Variants in FOSL2 observed in about 807,000 individuals in gnomAD.
The protein encoded by FOSL2 is FOS like 2, AP-1 transcription factor subunit.
FOSL2 carries 3 observed loss-of-function variants against 27.7 expected under a neutral mutation model. That is an observed-to-expected ratio of 0.11 (90% CI 0.05 to 0.28). The LOEUF is 0.28. Ranked by LOEUF, FOSL2 falls within the 10% of genes least tolerant of loss-of-function variation. The pLI is 1.00. For synonymous variants in FOSL2, 179 were observed against 190.1 expected (o/e 0.94, Z 0.48); for missense variants, 333 against 445.1 (o/e 0.75, Z 2.27).
At chr2:28,411,447 A>T (rs1572496366) in intron 3 of FOSL2, among the ~76,000 whole-genome samples, 1 of 152,162 alleles carries the variant, frequency 6.6e-6, no homozygotes, top group East Asian at 1.9e-4. Context: ...AGGGGTACCG[A>T]GGGGGCAGTC....
chr2:28,396,942 C>G (rs1157900647), intron 1 of FOSL2: 1 of 152,132 alleles, frequency 6.6e-6, no homozygotes, highest in African/African-American at 2.4e-5. Context: ...TAGCCTCAAT[C>G]ATACCTCTCT....
At position 28,413,553 on chromosome 2, in the gene FOSL2, T is replaced by C. The variant is rs1157293827; in HGVS notation, c.*1105T>C. 2 of 398,614 alleles carry C rather than the reference T, an allele frequency of 5.0e-6. No individual in the cohort carries two copies. The highest frequency in any genetic ancestry group is 4.1e-5 in the African/African-American group (2 of 48,622). 24.7% of individuals were successfully genotyped at this position (398,614 alleles called of 1,614,324 possible). On this transcript the variant is annotated 3_prime_UTR_variant, in exon 4 of 4. Transcript: ENST00000264716. ...CCCTCCCCAAGCCTCAAAGAAGCAT[T>C]TGCTGAGGATGGAGAGGCAGGGGAG...
At position 28,404,141 on chromosome 2, in the gene FOSL2, C is replaced by T; in HGVS notation, c.137C>T (p.Ala46Val). ...FRVDMPGSGS[A>V]FIPTINAITT... ...GTAGATATGCCTGGCTCAGGCAGTG[C>T]ATTCATCCCCACCATCAACGCCATC... Residue 46 changes from alanine (A) to valine (V), a missense_variant, in exon 2 of 4, where the codon GCA (alanine) becomes GTA (valine). This residue lies in a region of FOSL2 where 131 missense variants were observed against 157.9 expected (regional missense o/e 0.83). Coordinates refer to ENST00000264716, the MANE Select transcript of FOSL2 (RefSeq NM_005253.4). The surrounding 1 kb of genome is among the most constrained non-coding windows in gnomAD (Gnocchi z 4.7). The T allele has an allele frequency of 6.2e-7, 1 of 1,614,190 alleles. No individual in the cohort carries two copies. The highest frequency in any genetic ancestry group is 1.1e-5 in the South Asian group (1 of 91,090).
At position 28,408,309 on chromosome 2, in the gene FOSL2, G is replaced by C. The variant is rs936720930; in HGVS notation, c.355-450G>C. The stretch of plus-strand genomic sequence containing the variant: ...GGGGATAATGAGGCTTGCAGAGCAG[G>C]CAGAGTGATGGGAGGAGAAATTAGC... On this transcript the variant is annotated intron_variant, in intron 2 of 3. Transcript: ENST00000264716. This position sits in a 1 kb window ranked among gnomAD's most constrained non-coding sequence, Gnocchi z 4.1. 2.0e-5 allele frequency among the ~76,000 whole-genome samples: 3 copies of C among 152,222 alleles called. No individual in the cohort carries two copies. The highest frequency in any genetic ancestry group is 7.2e-5 in the African/African-American group (3 of 41,462).
chr2:28,411,826 C>T, intron 3 of FOSL2, 104 bp from the exon 4 acceptor site: 2 of 1,248,584 alleles, frequency 1.6e-6, no homozygotes, highest in Non-Finnish European at 1.2e-6. Context: ...GGTGTGTGAG[C>T]CTCTGCTCTC....
chr2:28,396,811 C>CACACACACACACACACACACACACAA (rs1558564630), intron 1 of FOSL2: 69 of 151,030 alleles, frequency 4.6e-4, no homozygotes, highest in African/African-American at 1.5e-3. Context: ...CACACACACA[C>CACACACACACACACACACACACACAA]ACACACACAC....
In FOSL2 at chr2:28,393,889, C is replaced by G. The variant is rs1164727082; in HGVS notation, c.102+67C>G. The stretch of plus-strand genomic sequence containing the variant: ...CCTGCCCTCTTCTCGCCGCCACTGC[C>G]TCTTTTGCTTTCTTTTCTTTTTCTT... On this transcript the variant is annotated intron_variant, in intron 1 of 3. Transcript: ENST00000264716. The surrounding 1 kb of genome is among the most constrained non-coding windows in gnomAD (Gnocchi z 4.6). 1 of 1,055,562 alleles carries G rather than the reference C, an allele frequency of 9.5e-7. No homozygotes were observed. Among genetic ancestry groups the G allele is most frequent in the Non-Finnish European group, 1.4e-6 (1 of 724,290 alleles). 65.4% of individuals were successfully genotyped at this position (1,055,562 alleles called of 1,614,324 possible).
rs576435557 is a variant in FOSL2, at chr2:28,404,104, C to T, written c.103-3C>T. The T allele has an allele frequency of 6.8e-6, 11 of 1,612,174 alleles. No individual in the cohort carries two copies. In the African/African-American group the frequency reaches 1.3e-4, roughly 20 times the overall value. ...TCATTTGTATTTTTTTTCCTCATTT[C>T]AGAAATTCCGGGTAGATATGCCTGG... On this transcript the variant is annotated splice_polypyrimidine_tract_variant and splice_region_variant and intron_variant, in intron 1 of 3. Transcript: ENST00000264716. This position sits in a 1 kb window ranked among gnomAD's most constrained non-coding sequence, Gnocchi z 4.7.
intron 1 of FOSL2, among the ~76,000 whole-genome samples, chr2:28,403,541 A>C (rs1368613120): frequency 6.6e-6 from 1 of 152,192 alleles, no homozygotes; most frequent in Non-Finnish European, 1.5e-5. Flanking sequence ...ACATCTTTTC[A>C]CGGACCTGGC....
rs10525036 is a variant in FOSL2, at chr2:28,406,044, C to CTT, written c.354+1708_354+1709dup. Among the ~76,000 whole-genome samples the CTT allele has an allele frequency of 2.1e-3, 82 of 39,668 alleles. 3 individuals carry two copies. The highest frequency in any genetic ancestry group is 3.9e-3 in the African/African-American group (19 of 4,868). The allele number at this position is 39,668 out of a possible 152,430, so 26.0% of individuals were successfully genotyped here. A position where few individuals can be genotyped will look rare whatever the true frequency, so the allele number is the denominator to read the frequency against. Reference sequence around the variant, plus strand: ...GGATGTGCTGAATGCTCTCCATTCCCTTTTTTTTTTTTTTTTTTTTTTTCT... The same window carrying CTT: ...GGATGTGCTGAATGCTCTCCATTCCCTTTTTTTTTTTTTTTTTTTTTTTTTCT... On this transcript the variant is annotated intron_variant, in intron 2 of 3. Transcript: ENST00000264716.
At chr2:28,411,398 C>T (rs1308775095) in intron 3 of FOSL2, among the ~76,000 whole-genome samples, 2 of 152,060 alleles carry the variant, frequency 1.3e-5, no homozygotes, top group Admixed American at 1.3e-4. Context: ...GTGTTCCGTA[C>T]CCCCTTCTCC....
chr2:28,408,644 C>T lies in FOSL2; in HGVS notation c.355-115C>T. 1.4e-6 allele frequency: 1 copy of T among 700,552 alleles called. No individual in the cohort carries two copies. Among genetic ancestry groups the T allele is most frequent in the Non-Finnish European group, 2.3e-6 (1 of 437,928 alleles). 43.4% of individuals were successfully genotyped at this position (700,552 alleles called of 1,614,324 possible). A position where few individuals can be genotyped will look rare whatever the true frequency, so the allele number is the denominator to read the frequency against. On this transcript the variant is annotated intron_variant, in intron 2 of 3. Coordinates refer to ENST00000264716, the MANE Select transcript of FOSL2 (RefSeq NM_005253.4). This position sits in a 1 kb window ranked among gnomAD's most constrained non-coding sequence, Gnocchi z 4.1. ...TCCAGCCATGCTCCTCTTGCCCTTC[C>T]TTCTCCTTTCTCCATTTCCAGAAGG...
chr2:28,398,122 C>T (rs928757242), intron 1 of FOSL2, among the ~76,000 whole-genome samples: 9 of 152,130 alleles, frequency 5.9e-5, no homozygotes, highest in Admixed American at 2.6e-4. Context: ...ATTAAGGAGA[C>T]GAACGTTCCG....
chr2:28,393,828 TGCGGGCCCCGGTGCACCTGGCGGC>T lies in FOSL2; in HGVS notation c.102+13_102+36del. On this transcript the variant is annotated splice_region_variant and intron_variant, in intron 1 of 3. Coordinates refer to ENST00000264716, the MANE Select transcript of FOSL2 (RefSeq NM_005253.4). This position sits in a 1 kb window ranked among gnomAD's most constrained non-coding sequence, Gnocchi z 4.6. ...GCGGCGGCGGCGGCCAGCAGGTAGG[TGCGGGCCCCGGTGCACCTGGCGGC>T]GCGGGCGGACCCCTGCCCTCTTCTC... 6.3e-7 allele frequency: 1 copy of T among 1,585,208 alleles called. No individual in the cohort carries two copies.
chr2:28,408,929 C>A lies in FOSL2; in HGVS notation c.462+63C>A. The A allele has an allele frequency of 5.4e-6, 6 of 1,119,796 alleles. No individual in the cohort carries two copies. Among genetic ancestry groups the A allele is most frequent in the Non-Finnish European group, 7.7e-6 (6 of 782,778 alleles). 69.4% of individuals were successfully genotyped at this position (1,119,796 alleles called of 1,614,324 possible). ...GGGCTGGAGTGAGAGCCCCGGGGGT[C>A]CTGATCCTCTCTCCCACAGCTGTCT... On this transcript the variant is annotated intron_variant, in intron 3 of 3. Coordinates refer to ENST00000264716, the MANE Select transcript of FOSL2 (RefSeq NM_005253.4). This position sits in a 1 kb window ranked among gnomAD's most constrained non-coding sequence, Gnocchi z 4.1.
intron 1 of FOSL2, among the ~76,000 whole-genome samples, chr2:28,403,007 C>T (rs966965990): frequency 6.6e-6 from 1 of 152,188 alleles, no homozygotes; most frequent in African/African-American, 2.4e-5. Flanking sequence ...CTATTGTCTT[C>T]ATCTCACCCA....
Position 28,415,012 on chromosome 2 carries a change from A to G in FOSL2, c.*2564A>G, listed in dbSNP as rs1005956243. On this transcript the variant is annotated 3_prime_UTR_variant, in exon 4 of 4. Transcript: ENST00000264716. ...TTACTTCCTTATGGCTTGCCCTCCA[A>G]GTTCTCTCTCTCATACACACACACA... 4.6e-5 allele frequency: 7 copies of G among 152,180 alleles called. No homozygotes were observed. The highest frequency in any genetic ancestry group is 8.8e-5 in the Non-Finnish European group (6 of 68,064). 9.4% of individuals were successfully genotyped at this position (152,180 alleles called of 1,614,324 possible). A position where few individuals can be genotyped will look rare whatever the true frequency, so the allele number is the denominator to read the frequency against.
chr2:28,404,066 A>C lies in FOSL2; in HGVS notation c.103-41A>C. 6.2e-7 allele frequency: 1 copy of C among 1,609,488 alleles called. No individual in the cohort carries two copies. Among genetic ancestry groups the C allele is most frequent in the African/African-American group, 1.3e-5 (1 of 74,962 alleles). On this transcript the variant is annotated intron_variant, in intron 1 of 3. Coordinates refer to ENST00000264716, the MANE Select transcript of FOSL2 (RefSeq NM_005253.4). This position sits in a 1 kb window ranked among gnomAD's most constrained non-coding sequence, Gnocchi z 4.7. ...TATTATTAACTATCCTGTTCAGCTT[A>C]GTATTTATTGGCTCATTTGTATTTT...
At position 28,400,393 on chromosome 2, in the gene FOSL2, C is replaced by G. The variant is rs149656518; in HGVS notation, c.103-3714C>G. On this transcript the variant is annotated intron_variant, in intron 1 of 3. Coordinates refer to ENST00000264716, the MANE Select transcript of FOSL2 (RefSeq NM_005253.4). ...AACTTCTGGGACCACAAACTCCTAACTTCACCTCTTCTCTCCTACCCCAGT... is the reference window on the plus strand; with the variant it reads ...AACTTCTGGGACCACAAACTCCTAAGTTCACCTCTTCTCTCCTACCCCAGT... 1.9e-3 allele frequency among the ~76,000 whole-genome samples: 297 copies of G among 152,328 alleles called. 1 individual carries two copies. Among genetic ancestry groups the G allele is most frequent in the African/African-American group, 6.7e-3 (280 of 41,570 alleles).
Sources: allele counts gnomAD v4.1 joint callset (sites outside exome capture counted in the v4.1 genomes callset), GRCh38; gene constraint gnomAD v4.1.1; regional missense constraint gnomAD v4.1.1; non-coding constraint Gnocchi (gnomAD v3.1); transcripts MANE v1.5; gene names NCBI Gene and HGNC (gene_info 2026-07-23, HGNC 2026-07-21).